Variants in DZIP1 observed in about 807,000 individuals in gnomAD.
The protein encoded by DZIP1 is cilium assembly protein DZIP1.
DZIP1 carries 97 observed loss-of-function variants against 107.6 expected under a neutral mutation model. The ratio of observed to expected loss-of-function variants is 0.90; its 90% CI spans 0.77 to 1.07. The LOEUF (loss-of-function observed/expected upper bound fraction) is 1.07. Ranked by LOEUF, DZIP1 falls within the 50% of genes least tolerant of loss-of-function variation. The pLI, the probability that DZIP1 is intolerant of heterozygous loss-of-function variation, is 0.00. For synonymous variants in DZIP1, 390 were observed against 386.4 expected (o/e 1.01, Z -0.11); for missense variants, 1,035 against 1,063.6 (o/e 0.97, Z 0.37).
chr13:95,592,468 G>A (rs1566367126), intron 16 of DZIP1, among the ~76,000 whole-genome samples: 1 of 152,130 alleles, frequency 6.6e-6, no homozygotes, highest in Non-Finnish European at 1.5e-5. Context: ...GGGTCTATGT[G>A]GAAATTTAAA....
chr13:95,594,119 A>T, intron 15 of DZIP1, 33 bp from the exon 16 acceptor site: 1 of 1,544,582 alleles, frequency 6.5e-7, no homozygotes, highest in East Asian at 2.3e-5. Context: ...TGTTAAAAAA[A>T]GAATTAAGCA....
At chr13:95,602,692 T>G (rs1439913866) in intron 14 of DZIP1, among the ~76,000 whole-genome samples, 1 of 152,246 alleles carries the variant, frequency 6.6e-6, no homozygotes, top group Non-Finnish European at 1.5e-5. Flanking sequence ...GGAGATCCTG[T>G]TGGCACATCC....
rs2043987606 is a variant in DZIP1, at chr13:95,579,696, G to A, written c.*2538C>T. 6.6e-6 allele frequency: 1 copy of A among 152,030 alleles called. No individual in the cohort carries two copies. The highest frequency in any genetic ancestry group is 1.5e-5 in the Non-Finnish European group (1 of 68,004). 9.4% of individuals were successfully genotyped at this position (152,030 alleles called of 1,614,324 possible). A position where few individuals can be genotyped will look rare whatever the true frequency, so the allele number is the denominator to read the frequency against. ...ATCACATTGTTCAGAGGTGCTCAAT[G>A]GAAAGAAAAGGAAATGAACAAGTTT... On this transcript the variant is annotated 3_prime_UTR_variant, in exon 23 of 23. Coordinates refer to ENST00000376829, the MANE Select transcript of DZIP1 (RefSeq NM_198968.4).
intron 13 of DZIP1, among the ~76,000 whole-genome samples, chr13:95,606,905 T>C (rs1401011142): frequency 6.6e-6 from 1 of 152,230 alleles, no homozygotes; most frequent in African/African-American, 2.4e-5. Context: ...CTGAAAGTCC[T>C]CTCTGGACTA....
At chr13:95,629,855 A>C (rs1054960837) in intron 7 of DZIP1, 134 bp downstream of exon 7, 2 of 842,576 alleles carry the variant, frequency 2.4e-6, no homozygotes, top group Non-Finnish European at 3.4e-6. Context: ...TAAAGAGTAG[A>C]TTGGCAATAA....
At chr13:95,622,570 T>TA in intron 8 of DZIP1, 90 bp from the exon 9 acceptor site, 2 of 1,469,438 alleles carry the variant, frequency 1.4e-6, no homozygotes, top group Non-Finnish European at 1.9e-6. Context: ...AGCTGTGTTT[T>TA]AAATCTGACT....
Position 95,630,041 on chromosome 13 carries a change from G to T in DZIP1, c.758C>A (p.Thr253Asn), listed in dbSNP as rs1488198217. 6.2e-7 allele frequency: 1 copy of T among 1,613,756 alleles called. No homozygotes were observed. Among genetic ancestry groups the T allele is most frequent in the Non-Finnish European group, 8.5e-7 (1 of 1,179,850 alleles). The change falls in exon 7 of 23, where the codon ACC becomes AAC. Residue 253 changes from threonine (T) to asparagine (N), a missense_variant. Thr to Asn is a moderately conservative substitution (Grantham distance 65). Transcript: ENST00000376829. ...IVVLKEELQL[T>N]RSELEAAHHA... ...GTGTGCAGCCTCTAGCTCAGACCTG[G>T]TGAGCTGCAGCTCTTCCTTCAATAC...
At position 95,641,619 on chromosome 13, in the gene DZIP1, C is replaced by T; in HGVS notation, c.273G>A (p.Glu91=). ...AGAVDVLTLQ[E]NIMNITFCKL... is the part of the protein sequence containing the mutation. ...TGCAGAAGGTGATGTTCATGATGTT[C>T]TCCTGCAGCGTCAGCACGTCCACAG... The change falls in exon 5 of 23, where the codon GAG becomes GAA. Residue 91 remains glutamate (E), a synonymous_variant. Transcript: ENST00000376829. This position sits in a 1 kb window ranked among gnomAD's most constrained non-coding sequence, Gnocchi z 4.3. The T allele has an allele frequency of 1.2e-6, 2 of 1,612,170 alleles. No homozygotes were observed. Among genetic ancestry groups the T allele is most frequent in the Non-Finnish European group, 1.7e-6 (2 of 1,180,036 alleles).
chr13:95,633,317 T>G lies in DZIP1; in HGVS notation c.602A>C (p.His201Pro), dbSNP rs778672083. The G allele has an allele frequency of 6.2e-7, 1 of 1,614,016 alleles. No homozygotes were observed. Among genetic ancestry groups the G allele is most frequent in the Admixed American group, 1.7e-5 (1 of 60,018 alleles). ...GTTCATAAAGGCCTTGTCACAAAAA[T>G]GGCACTGAAAAGGAGAGAGCAACAA... Reference protein sequence around the residue: ...IEAKANYYQCHFCDKAFMNQA... With the variant: ...IEAKANYYQCPFCDKAFMNQA... Residue 201 changes from histidine to proline, a missense_variant, in exon 6 of 23, where the codon CAT (histidine) becomes CCT (proline). Transcript: ENST00000376829.
chr13:95,601,817 G>A (rs916358747), intron 14 of DZIP1, among the ~76,000 whole-genome samples: 7 of 152,162 alleles, frequency 4.6e-5, no homozygotes, highest in Admixed American at 2.0e-4. Flanking sequence ...AGAGTTCACT[G>A]TGCTCTGACT....
At chr13:95,632,907 T>C (rs1463460639) in intron 6 of DZIP1, among the ~76,000 whole-genome samples, 2 of 152,240 alleles carry the variant, frequency 1.3e-5, no homozygotes, top group African/African-American at 4.8e-5. Flanking sequence ...TCCTGCGCTA[T>C]GATCTTCATC....
chr13:95,601,659 G>A (rs1411085683), intron 14 of DZIP1, among the ~76,000 whole-genome samples: 1 of 152,124 alleles, frequency 6.6e-6, no homozygotes, highest in Non-Finnish European at 1.5e-5. Context: ...AAGCCCCTAA[G>A]CCCACAGCTT....
At chr13:95,616,021 T>A (rs1388685747) in intron 10 of DZIP1, among the ~76,000 whole-genome samples, 1 of 152,080 alleles carries the variant, frequency 6.6e-6, no homozygotes, top group Non-Finnish European at 1.5e-5. Context: ...ATGAGTCAGC[T>A]CCAGGACACC....
intron 12 of DZIP1, among the ~76,000 whole-genome samples, chr13:95,610,101 T>A (rs76496340): frequency 0.27 from 33,546 of 125,498 alleles, 4,683 homozygotes; most frequent in Admixed American, 0.35. Flanking sequence ...TGTGTGTGTG[T>A]GTGTGTGTGT....
At chr13:95,637,159 C>T (rs925484260) in intron 5 of DZIP1, 1 of 151,988 alleles carries the variant, frequency 6.6e-6, no homozygotes, top group African/African-American at 2.4e-5. Context: ...CTGGGTAAGA[C>T]AAATCATTTT....
At position 95,587,492 on chromosome 13, in the gene DZIP1, C is replaced by T. The variant is rs116643114; in HGVS notation, c.2218+47G>A. The stretch of plus-strand genomic sequence containing the variant: ...GCTCGGTACACACGGGTGAGGACAA[C>T]TGTCCTAAATACAGTTTCCAGAGAG... On this transcript the variant is annotated intron_variant, in intron 20 of 22. Transcript: ENST00000376829. 286 of 1,592,780 alleles carry T rather than the reference C, an allele frequency of 1.8e-4. 1 individual carries two copies. The African/African-American group carries it at 3.6e-3, about 20-fold the overall frequency.
At chr13:95,637,604 ATCTCTCTCTCTCTCTCTCTC>A (rs10539901) in intron 5 of DZIP1, among the ~76,000 whole-genome samples, 115 of 145,190 alleles carry the variant, frequency 7.9e-4, no homozygotes, top group Non-Finnish European at 1.4e-3. Flanking sequence ...GACATTAGCG[ATCTCTCTCTCTCTCTCTCTC>A]TCTCTCTCTC....
intron 14 of DZIP1, among the ~76,000 whole-genome samples, chr13:95,601,282 A>T (rs577294141): frequency 7.2e-5 from 11 of 152,244 alleles, no homozygotes; most frequent in Admixed American, 6.5e-4. Flanking sequence ...GATGTCCCAC[A>T]TCAGGAGGGA....
At chr13:95,628,024 C>T (rs903626469) in intron 7 of DZIP1, among the ~76,000 whole-genome samples, 1 of 151,958 alleles carries the variant, frequency 6.6e-6, no homozygotes, top group African/African-American at 2.4e-5. Flanking sequence ...GTGAAAAAAG[C>T]CAGACACAAA....
Sources: gnomAD v4.1 joint callset for allele counts (sites outside exome capture counted in the v4.1 genomes callset) on GRCh38, gnomAD v4.1.1 for gene constraint, Gnocchi (gnomAD v3.1) non-coding constraint, MANE v1.5 for transcripts, NCBI Gene and HGNC (gene_info 2026-07-23, HGNC 2026-07-21) for gene names.